Variants in KCNMB2 observed in about 807,000 individuals in gnomAD.
KCNMB2 encodes the protein calcium-activated potassium channel subunit beta-2.
Under a neutral mutation model 24.5 loss-of-function variants are expected in KCNMB2, and 9 were observed. The ratio of observed to expected loss-of-function variants is 0.37; its 90% CI spans 0.22 to 0.64. KCNMB2 has a LOEUF of 0.64. KCNMB2 is among the 30% of genes least tolerant of loss of function. The pLI, the probability that KCNMB2 is intolerant of heterozygous loss-of-function variation, is 0.63. For missense variants in KCNMB2, 226 were observed against 284.3 expected (o/e 0.79, Z 1.47); for synonymous variants, 109 against 104.4 (o/e 1.04, Z -0.27).
chr3:178,720,015 A>G (rs1206632205), intron 1 of KCNMB2, among the ~76,000 whole-genome samples: 2 of 152,010 alleles, frequency 1.3e-5, no homozygotes, highest in African/African-American at 4.8e-5. Context: ...GTTTTAGGGT[A>G]CATGTGCACA....
chr3:178,799,777 T>A (rs540845927), intron 1 of KCNMB2, among the ~76,000 whole-genome samples: 40 of 152,182 alleles, frequency 2.6e-4, no homozygotes, highest in Admixed American at 2.4e-3. Context: ...CATCAAATTA[T>A]GCCACACAGC....
intron 1 of KCNMB2, among the ~76,000 whole-genome samples, chr3:178,552,185 C>G (rs936336757): frequency 7.2e-5 from 11 of 152,186 alleles, no homozygotes; most frequent in African/African-American, 2.7e-4. Flanking sequence ...CCAAGGTTTA[C>G]AGATACGATT....
At chr3:178,827,595 A>G (rs1200008829) in intron 3 of KCNMB2, among the ~76,000 whole-genome samples, 1 of 152,216 alleles carries the variant, frequency 6.6e-6, no homozygotes, top group Non-Finnish European at 1.5e-5. Flanking sequence ...ATTGCTCATG[A>G]CATAATGAAA....
At chr3:178,815,541 T>C (rs967603047) in intron 2 of KCNMB2, among the ~76,000 whole-genome samples, 2 of 152,198 alleles carry the variant, frequency 1.3e-5, no homozygotes, top group Non-Finnish European at 2.9e-5. Flanking sequence ...ATTCATATGT[T>C]ATACTGCTAG....
At chr3:178,795,589 T>A (rs35754257) in intron 1 of KCNMB2, among the ~76,000 whole-genome samples, 7,701 of 152,230 alleles carry the variant, frequency 0.051, 265 homozygotes, top group Non-Finnish European at 0.075. Context: ...CTGGCTTTGC[T>A]GGCCTTGGAG....
chr3:178,575,294 T>C (rs1326137802), intron 1 of KCNMB2, among the ~76,000 whole-genome samples: 1 of 152,036 alleles, frequency 6.6e-6, no homozygotes. Context: ...CAGGGTGAGT[T>C]GGGTTCTGGG....
At chr3:178,595,810 C>T (rs1560123750) in intron 1 of KCNMB2, among the ~76,000 whole-genome samples, 1 of 152,034 alleles carries the variant, frequency 6.6e-6, no homozygotes, top group Non-Finnish European at 1.5e-5. Context: ...AATAGAGGTG[C>T]CAAACCAATG....
chr3:178,577,714 A>G (rs1717048081), intron 1 of KCNMB2, among the ~76,000 whole-genome samples: 9 of 152,258 alleles, frequency 5.9e-5, no homozygotes, highest in Admixed American at 5.9e-4. Context: ...AAACAGCACA[A>G]GAACTTCATG....
At chr3:178,787,367 G>A (rs1713148423) in intron 1 of KCNMB2, among the ~76,000 whole-genome samples, 3 of 152,058 alleles carry the variant, frequency 2.0e-5, no homozygotes, top group Admixed American at 2.0e-4. Context: ...GTTACATATA[G>A]TATGTACTGT....
chr3:178,539,721 G>C (rs1715549733), intron 1 of KCNMB2, among the ~76,000 whole-genome samples: 1 of 152,058 alleles, frequency 6.6e-6, no homozygotes, highest in Non-Finnish European at 1.5e-5. Flanking sequence ...GGGAAAGAGA[G>C]AGAGAGAGTG....
At chr3:178,561,833 G>A (rs550781758) in intron 1 of KCNMB2, among the ~76,000 whole-genome samples, 7 of 152,260 alleles carry the variant, frequency 4.6e-5, no homozygotes, top group African/African-American at 1.4e-4. Context: ...AAACAAAACT[G>A]TCACCATTAC....
At chr3:178,728,439 T>C (rs541804200) in intron 1 of KCNMB2, among the ~76,000 whole-genome samples, 22 of 152,308 alleles carry the variant, frequency 1.4e-4, no homozygotes, top group Non-Finnish European at 3.1e-4. Flanking sequence ...ATAAAAAGTG[T>C]TGGGCAGGAG....
At chr3:178,702,799 G>A (rs1259716313) in intron 1 of KCNMB2, among the ~76,000 whole-genome samples, 1 of 150,928 alleles carries the variant, frequency 6.6e-6, no homozygotes, top group Non-Finnish European at 1.5e-5. Flanking sequence ...GGGCAGATAC[G>A]CCAGACATTC....
intron 4 of KCNMB2, among the ~76,000 whole-genome samples, chr3:178,840,680 G>A (rs1291297781): frequency 6.6e-6 from 1 of 152,226 alleles, no homozygotes; most frequent in Admixed American, 6.5e-5. Flanking sequence ...AATGGCCTGA[G>A]CTGTACATTG....
chr3:178,653,979 T>C lies in KCNMB2; in HGVS notation c.-68+117268T>C, dbSNP rs569893188. On this transcript the variant is annotated intron_variant, in intron 1 of 4. Transcript: ENST00000452583. ...CTCTTTCATAAGATGAAAACTACCA[T>C]TTCTTGCAAGTTTGAGTCAGATCAT... 1.2e-4 allele frequency among the ~76,000 whole-genome samples: 18 copies of C among 152,212 alleles called. No homozygotes were observed. The South Asian group carries it at 3.7e-3, about 32-fold the overall frequency.
chr3:178,826,987 C>G (rs1334083425), intron 3 of KCNMB2, among the ~76,000 whole-genome samples: 1 of 152,138 alleles, frequency 6.6e-6, no homozygotes. Flanking sequence ...CACCCATGTT[C>G]CAGGAAAATA....
At chr3:178,537,977 A>C (rs1259377395) in intron 1 of KCNMB2, among the ~76,000 whole-genome samples, 1 of 152,234 alleles carries the variant, frequency 6.6e-6, no homozygotes, top group African/African-American at 2.4e-5. Flanking sequence ...AATTAACTAG[A>C]AATAAAATTG....
intron 1 of KCNMB2, among the ~76,000 whole-genome samples, chr3:178,596,973 GA>G (rs1717901026): frequency 6.6e-6 from 1 of 152,136 alleles, no homozygotes; most frequent in Non-Finnish European, 1.5e-5. Context: ...TATGGCTGGA[GA>G]AGAGAGAACA....
At chr3:178,587,739 C>CTT (rs67539620) in intron 1 of KCNMB2, among the ~76,000 whole-genome samples, 12 of 142,764 alleles carry the variant, frequency 8.4e-5, no homozygotes, top group Middle Eastern at 3.6e-3. Context: ...AGCCAGTAAT[C>CTT]TTTTTTTTTT....
Sources: gnomAD v4.1 joint callset for allele counts (sites outside exome capture counted in the v4.1 genomes callset) on GRCh38, gnomAD v4.1.1 for gene constraint, MANE v1.5 for transcripts, NCBI Gene and HGNC (gene_info 2026-07-23, HGNC 2026-07-21) for gene names.